Variants in C1QTNF6 observed in about 807,000 individuals in gnomAD.
The protein encoded by C1QTNF6 is C1q and TNF related 6.
A neutral mutation model predicts 20.7 loss-of-function variants in C1QTNF6; 17 were observed. The observed-to-expected ratio is 0.82, with a 90% CI of 0.56 to 1.23. The LOEUF (loss-of-function observed/expected upper bound fraction) is 1.23. C1QTNF6 is among the 50% of genes most tolerant of loss of function. The pLI is 0.00. For synonymous variants in C1QTNF6, 130 were observed against 156.3 expected (o/e 0.83, Z 1.25); for missense variants, 329 against 389.7 (o/e 0.84, Z 1.31).
Position 37,184,215 on chromosome 22 carries a change from G to A in C1QTNF6, c.289+1003C>T, listed in dbSNP as rs756507550. ...GCCAGGTGCCAGGTGACCACTGGCT[G>A]TGCAGTGAGTGTCCCCGGGGAGAGC... On this transcript the variant is annotated intron_variant, in intron 2 of 2. Coordinates refer to ENST00000337843, the MANE Select transcript of C1QTNF6 (RefSeq NM_031910.4). The surrounding 1 kb of genome is among the most constrained non-coding windows in gnomAD (Gnocchi z 4.0). The A allele has an allele frequency of 1.9e-5, 12 of 644,194 alleles. 1 individual carries two copies. Among genetic ancestry groups the A allele is most frequent in the South Asian group, 1.6e-4 (9 of 56,904 alleles). The allele number at this position is 644,194 out of a possible 1,614,324, so 39.9% of individuals were successfully genotyped here. A position where few individuals can be genotyped will look rare whatever the true frequency, so the allele number is the denominator to read the frequency against.
upstream of C1QTNF6, among the ~76,000 whole-genome samples, chr22:37,198,918 C>G (rs1222818676): frequency 6.6e-6 from 1 of 152,232 alleles, no homozygotes; most frequent in Non-Finnish European, 1.5e-5. Flanking sequence ...TCTCCGGAAC[C>G]AGGTTCCCCG....
chr22:37,187,921 CCAGG>C (rs1924516929), intron 1 of C1QTNF6, among the ~76,000 whole-genome samples: 1 of 152,038 alleles, frequency 6.6e-6, no homozygotes, highest in Admixed American at 6.6e-5. Flanking sequence ...TTTTCTCGGT[CCAGG>C]CAGGCCGTGC....
chr22:37,190,311 T>A (rs118080156), upstream of C1QTNF6, among the ~76,000 whole-genome samples: 62 of 152,404 alleles, frequency 4.1e-4, 1 homozygote, highest in East Asian at 0.01. Flanking sequence ...TTATTTGCCA[T>A]ACAGGCTCCT....
At chr22:37,186,039 C>A in intron 1 of C1QTNF6, 10 of 985,404 alleles carry the variant, frequency 1.0e-5, no homozygotes, top group Non-Finnish European at 1.2e-5. Context: ...TGTGAGAACA[C>A]CATAGTTCTG....
At chr22:37,185,637 C>T (rs229528) in intron 1 of C1QTNF6, 182 bp from the exon 2 acceptor site, 555,537 of 1,300,360 alleles carry the variant, frequency 0.43, 120,594 homozygotes, top group East Asian at 0.68. Flanking sequence ...AGCAAGTTCC[C>T]CAAGATCGGG....
chr22:37,182,882 G>C, intron 2 of C1QTNF6, 147 bp from the exon 3 acceptor site: 1 of 1,439,150 alleles, frequency 6.9e-7, no homozygotes, highest in Non-Finnish European at 9.1e-7. Context: ...GCCAGACATT[G>C]CCTCCCCACA....
rs544540834 is a variant in C1QTNF6 at position 37,196,013 on chromosome 22, G to A, written n.147-555C>T. 9 of 152,272 alleles carry A rather than the reference G, an allele frequency of 5.9e-5. No individual in the cohort carries two copies. The East Asian group carries it at 1.4e-3, about 23-fold the overall frequency. The allele number at this position is 152,272 out of a possible 1,614,324, so 9.4% of individuals were successfully genotyped here. A position where few individuals can be genotyped will look rare whatever the true frequency, so the allele number is the denominator to read the frequency against. On this transcript the variant is annotated intron_variant and non_coding_transcript_variant, in intron 1 of 4. Transcript: ENST00000467564. The stretch of plus-strand genomic sequence containing the variant: ...CCCATCTCATCCTGTGACTAAAAAT[G>A]CCTAACCTCCTGGGAATGCAGCCCA...
At chr22:37,190,298 T>C (rs534150067), upstream of C1QTNF6, among the ~76,000 whole-genome samples, 6 of 152,360 alleles carry the variant, frequency 3.9e-5, no homozygotes, top group South Asian at 1.2e-3. Context: ...GCAGCAAGTA[T>C]AATTATTTGC....
Position 37,185,589 on chromosome 22 carries a change from C to T in C1QTNF6, c.52-134G>A, listed in dbSNP as rs938121503. The T allele has an allele frequency of 5.1e-6, 7 of 1,374,892 alleles. No individual in the cohort carries two copies. The African/African-American group carries it at 5.9e-5, about 12-fold the overall frequency. The allele number at this position is 1,374,892 out of a possible 1,614,324, so 85.2% of individuals were successfully genotyped here. A position where few individuals can be genotyped will look rare whatever the true frequency, so the allele number is the denominator to read the frequency against. On this transcript the variant is annotated intron_variant, in intron 1 of 2. Coordinates refer to ENST00000337843, the MANE Select transcript of C1QTNF6 (RefSeq NM_031910.4). ...AACTCCAGAGGGAAGGTTATTGTCC[C>T]CATCTATCAGACAAGAAGACTGAGA...
At chr22:37,191,641 G>A (rs1924825772), upstream of C1QTNF6, 1 of 152,084 alleles carries the variant, frequency 6.6e-6, no homozygotes, top group East Asian at 1.9e-4. Context: ...ATAACTCAAA[G>A]ATGTTTTTAA....
rs17812681 is a variant in C1QTNF6 at position 37,182,348 on chromosome 22, C to T, written c.677G>A (p.Arg226His). 30,151 of 1,614,228 alleles carry T rather than the reference C, an allele frequency of 0.019. 709 individuals are homozygous for T. Among genetic ancestry groups the T allele is most frequent in the South Asian group, 0.094 (8,586 of 91,084 alleles). The part of the protein sequence containing the change: ...AVILYAQPSE[R>H]SIMQSQSVML... Reference sequence around the variant, plus strand: ...CACACTCTGGCTCTGCATGATGCTGCGCTCGCTGGGCTGCGCGTACAGGAT... The same window carrying T: ...CACACTCTGGCTCTGCATGATGCTGTGCTCGCTGGGCTGCGCGTACAGGAT... The change falls in exon 3 of 3, where the codon CGC (arginine) becomes CAC (histidine). Residue 226 changes from arginine to histidine, a missense_variant. Transcript: ENST00000337843.
At chr22:37,183,337 C>A (rs566174907) in intron 2 of C1QTNF6, among the ~76,000 whole-genome samples, 29 of 152,290 alleles carry the variant, frequency 1.9e-4, no homozygotes, top group South Asian at 4.1e-4. Context: ...GTTTGTGAGC[C>A]CTCAACAAAA....
In C1QTNF6 at chr22:37,188,188, G is replaced by C. The variant is rs151217898; in HGVS notation, c.26C>G (p.Ser9Trp). The part of the protein sequence containing the change: MQWLRVRE[S>W]PGEATGHRVT... ...CCTGTGTCCTGTGGCCTCCCCAGGC[G>C]ACTCACGGACCCTGAGCCACTGCAT... Residue 9 changes from serine to tryptophan, a missense_variant, in exon 1 of 3, where the codon TCG becomes TGG. Ser to Trp is a radical substitution (Grantham distance 177). Transcript: ENST00000337843. 2.5e-6 allele frequency: 4 copies of C among 1,609,622 alleles called. No individual in the cohort carries two copies. The South Asian group carries it at 4.4e-5, about 18-fold the overall frequency.
chr22:37,194,709 A>G (rs993259260), intron 2 of C1QTNF6, among the ~76,000 whole-genome samples: 6 of 152,200 alleles, frequency 3.9e-5, no homozygotes, highest in Non-Finnish European at 1.5e-5. Context: ...CACCCCACTC[A>G]GTGCCCAACA....
chr22:37,188,776 G>C (rs1336382246), upstream of C1QTNF6, among the ~76,000 whole-genome samples: 1 of 152,232 alleles, frequency 6.6e-6, no homozygotes, highest in Non-Finnish European at 1.5e-5. Flanking sequence ...AGGCACATGG[G>C]AGGGCTTAAC....
In C1QTNF6 at chr22:37,185,385, AT is replaced by A; in HGVS notation, c.121del (p.Ile41SerfsTer55). On this transcript the variant is annotated frameshift_variant, in exon 2 of 3. Transcript: ENST00000337843. LOFTEE classifies it high-confidence loss of function. ...ALLLFLLMCE[I>X]PMVELTFDRA... ...GTCAAAGGTGAGCTCCACCATAGGG[AT>A]CTCACACATCAGGAGAAAGAGCAGG... 3 of 1,613,456 alleles carry A rather than the reference AT, an allele frequency of 1.9e-6. No homozygotes were observed. Among genetic ancestry groups the A allele is most frequent in the Non-Finnish European group, 2.5e-6 (3 of 1,179,782 alleles).
chr22:37,190,248 T>G (rs896498961), upstream of C1QTNF6, among the ~76,000 whole-genome samples: 4 of 152,244 alleles, frequency 2.6e-5, no homozygotes, highest in African/African-American at 7.2e-5. Context: ...CAAAATAAGC[T>G]TTAGTCTTAT....
At chr22:37,188,258 T>C (rs756892078), upstream of C1QTNF6, 2 of 1,440,836 alleles carry the variant, frequency 1.4e-6, no homozygotes, top group Admixed American at 3.9e-5. Flanking sequence ...AACTTGTTGC[T>C]GGCCCAGACC....
At chr22:37,198,082 A>G (rs1925257044), upstream of C1QTNF6, 1 of 152,314 alleles carries the variant, frequency 6.6e-6, no homozygotes, top group Non-Finnish European at 1.5e-5. Context: ...ACCCAGGACA[A>G]CAGCATGACC....
Sources: allele counts gnomAD v4.1 joint callset (sites outside exome capture counted in the v4.1 genomes callset), GRCh38; gene constraint gnomAD v4.1.1; non-coding constraint Gnocchi (gnomAD v3.1); transcripts MANE v1.5; gene names NCBI Gene and HGNC (gene_info 2026-07-23, HGNC 2026-07-21).